The following REPS1 variants were observed in gnomAD, a reference collection of about 807,000 sequenced individuals.
REPS1 encodes RALBP1 associated Eps domain containing 1.
Under a neutral mutation model 100.9 loss-of-function variants are expected in REPS1, and 39 were observed. The observed-to-expected ratio is 0.39, with a 90% CI of 0.30 to 0.50. REPS1 has a LOEUF of 0.50. Ranked by LOEUF, REPS1 falls within the 20% of genes least tolerant of loss-of-function variation. The probability of loss-of-function intolerance (pLI) is 0.86; values close to 1 mark genes in which losing one functional copy is unlikely to be tolerated. For missense variants in REPS1, 821 were observed against 968.5 expected (o/e 0.85, Z 2.02); for synonymous variants, 324 against 340.3 (o/e 0.95, Z 0.53).
intron 1 of REPS1, among the ~76,000 whole-genome samples, chr6:138,980,356 C>T (rs549321650): frequency 1.3e-5 from 2 of 152,248 alleles, no homozygotes; most frequent in East Asian, 1.9e-4. Flanking sequence ...GCTACACCCC[C>T]GAATAAAAAC....
chr6:138,934,131 A>G (rs1781653641), intron 8 of REPS1: 1 of 261,594 alleles, frequency 3.8e-6, no homozygotes, highest in Non-Finnish European at 8.0e-6. Context: ...TTTGCTCCAA[A>G]TAAGTACTCC....
intron 1 of REPS1, among the ~76,000 whole-genome samples, chr6:138,957,579 T>C (rs1783473849): frequency 6.6e-6 from 1 of 152,034 alleles, no homozygotes; most frequent in Non-Finnish European, 1.5e-5. Flanking sequence ...AAAAAGTAGA[T>C]ACATGCCAAG....
At chr6:138,917,908 C>A (rs1780508490) in intron 12 of REPS1, among the ~76,000 whole-genome samples, 1 of 152,104 alleles carries the variant, frequency 6.6e-6, no homozygotes, top group Non-Finnish European at 1.5e-5. Flanking sequence ...AGTACATATA[C>A]AATGTGGCCC....
chr6:138,929,853 A>G (rs1196611674), intron 9 of REPS1, 124 bp downstream of exon 9: 3 of 872,728 alleles, frequency 3.4e-6, no homozygotes, highest in East Asian at 2.5e-5. Flanking sequence ...TTATCATAGT[A>G]TATCTGATAT....
intron 1 of REPS1, among the ~76,000 whole-genome samples, chr6:138,968,153 G>C (rs1279940209): frequency 6.6e-6 from 1 of 152,186 alleles, no homozygotes; most frequent in African/African-American, 2.4e-5. Flanking sequence ...CACTGTAAAT[G>C]TGAAAAATCC....
intron 16 of REPS1, among the ~76,000 whole-genome samples, chr6:138,911,638 C>T (rs1012603946): frequency 7.4e-6 from 1 of 134,432 alleles, no homozygotes; most frequent in Non-Finnish European, 1.6e-5. Context: ...GAGGACAGAG[C>T]GAGGATGCAG....
At chr6:138,912,375 A>C (rs913817152) in intron 16 of REPS1, among the ~76,000 whole-genome samples, 1 of 152,232 alleles carries the variant, frequency 6.6e-6, no homozygotes. Flanking sequence ...AATTAGATCT[A>C]AAAGTTACAT....
chr6:138,919,241 T>C (rs1358637), intron 12 of REPS1, among the ~76,000 whole-genome samples: 55,353 of 151,900 alleles, frequency 0.36, 11,917 homozygotes, highest in Admixed American at 0.51. Context: ...CTCCACAATG[T>C]ACACAATATA....
At chr6:138,967,388 G>A (rs1784083504) in intron 1 of REPS1, among the ~76,000 whole-genome samples, 1 of 152,028 alleles carries the variant, frequency 6.6e-6, no homozygotes. Flanking sequence ...TAACACAGGT[G>A]GTTATTTAAA....
In REPS1 at chr6:138,905,053, C is replaced by T. The variant is rs750266060; in HGVS notation, c.*11G>A. 7.4e-6 allele frequency: 12 copies of T among 1,613,178 alleles called. No homozygotes were observed. The highest frequency in any genetic ancestry group is 3.3e-5 in the South Asian group (3 of 91,020). On this transcript the variant is annotated 3_prime_UTR_variant, in exon 20 of 20. Transcript: ENST00000450536. ...TAAAAACAAGTATGTTCACAGTTAA[C>T]GGCAATTGGCTTATAGGTGAGAGAA...
intron 10 of REPS1, among the ~76,000 whole-genome samples, chr6:138,926,132 A>C (rs925751661): frequency 1.3e-5 from 2 of 152,236 alleles, no homozygotes; most frequent in Non-Finnish European, 2.9e-5. Flanking sequence ...GCAAATGATA[A>C]GGTTAACAAA....
At chr6:138,940,616 G>A (rs963855519) in intron 8 of REPS1, among the ~76,000 whole-genome samples, 7 of 151,888 alleles carry the variant, frequency 4.6e-5, no homozygotes, top group Admixed American at 2.0e-4. Context: ...ATGGTGGTGC[G>A]TGCCTGTAGT....
chr6:138,954,502 T>TAAA lies in REPS1; in HGVS notation c.154-6592_154-6590dup, dbSNP rs34061496. 1.9e-3 allele frequency among the ~76,000 whole-genome samples: 256 copies of TAAA among 134,652 alleles called. 1 individual carries two copies. The highest frequency in any genetic ancestry group is 6.5e-3 in the African/African-American group (238 of 36,552). The allele number at this position is 134,652 out of a possible 152,430, so 88.3% of individuals were successfully genotyped here. A position where few individuals can be genotyped will look rare whatever the true frequency, so the allele number is the denominator to read the frequency against. On this transcript the variant is annotated intron_variant, in intron 1 of 19. Transcript: ENST00000450536. ...TAAAACTAACAATAGATGATGAGCT[T>TAAA]AAAAAAAAAAAAAAAAAGAATCCCC...
intron 8 of REPS1, among the ~76,000 whole-genome samples, chr6:138,935,420 T>C (rs928589159): frequency 1.1e-4 from 16 of 152,106 alleles, no homozygotes; most frequent in African/African-American, 3.1e-4. Context: ...TATCCAAAGA[T>C]AGCTAAACAT....
intron 6 of REPS1, 35 bp downstream of exon 6, chr6:138,943,818 C>T (rs751905371): frequency 2.5e-5 from 40 of 1,572,076 alleles, no homozygotes; most frequent in Admixed American, 1.0e-4. Flanking sequence ...ATTCTCCTGT[C>T]CCATCTAGAA....
chr6:138,931,428 A>C (rs1435511128), intron 8 of REPS1, among the ~76,000 whole-genome samples: 1 of 152,114 alleles, frequency 6.6e-6, no homozygotes, highest in African/African-American at 2.4e-5. Context: ...CAGTTGAAAA[A>C]GTTCTCCAAA....
chr6:138,945,181 CA>C (rs760139870), intron 4 of REPS1, 37 bp downstream of exon 4: 4 of 1,540,972 alleles, frequency 2.6e-6, no homozygotes, highest in Middle Eastern at 2.4e-4. Flanking sequence ...CCAGCCTGGG[CA>C]ACACAATGAC....
intron 1 of REPS1, among the ~76,000 whole-genome samples, chr6:138,951,333 G>C (rs1025108180): frequency 1.3e-5 from 2 of 152,048 alleles, no homozygotes; most frequent in Admixed American, 6.6e-5. Context: ...AAAACTAAAA[G>C]ATCATAATTT....
At chr6:138,952,180 C>T (rs1783080080) in intron 1 of REPS1, among the ~76,000 whole-genome samples, 1 of 151,862 alleles carries the variant, frequency 6.6e-6, no homozygotes, top group Non-Finnish European at 1.5e-5. Flanking sequence ...CCCCATCAGA[C>T]GTAACAATTC....
Sources: allele counts gnomAD v4.1 joint callset (sites outside exome capture counted in the v4.1 genomes callset), GRCh38; gene constraint gnomAD v4.1.1; transcripts MANE v1.5; gene names NCBI Gene and HGNC (gene_info 2026-07-23, HGNC 2026-07-21).